The following OLFM2 variants were observed in gnomAD, a reference collection of about 807,000 sequenced individuals.
OLFM2 encodes olfactomedin 2, also known as noelin-2.
A neutral mutation model predicts 43.9 loss-of-function variants in OLFM2; 20 were observed. The ratio of observed to expected loss-of-function variants is 0.46; its 90% CI spans 0.32 to 0.66. OLFM2 has a LOEUF of 0.66. Ranked by LOEUF, OLFM2 falls within the 30% of genes least tolerant of loss-of-function variation. OLFM2 has a pLI of 0.04. For missense variants in OLFM2, 416 were observed against 643.6 expected, an observed-to-expected ratio of 0.65 and a Z score of 3.83; for synonymous variants, 268 against 278.6, an observed-to-expected ratio of 0.96 and a Z score of 0.38.
rs1000416593 is a variant in OLFM2 at position 9,858,923 on chromosome 19, A to ACACCTGGCTAAGGTAGACCCT, written c.214-1083_214-1063dup. ...GTAGACTCTCACTTGGCTAAGATGA[A>ACACCTGGCTAAGGTAGACCCT]CACCTGGCTAAGGTAGACCCTCACC... On this transcript the variant is annotated intron_variant, in intron 2 of 5. Coordinates refer to ENST00000264833, the MANE Select transcript of OLFM2 (RefSeq NM_058164.4). Among the ~76,000 whole-genome samples, 131 of 151,648 alleles carry ACACCTGGCTAAGGTAGACCCT rather than the reference A, an allele frequency of 8.6e-4. 1 individual carries two copies. The highest frequency in any genetic ancestry group is 3.1e-3 in the African/African-American group (126 of 41,262).
At chr19:9,858,771 C>A (rs946981425) in intron 2 of OLFM2, among the ~76,000 whole-genome samples, 5 of 152,142 alleles carry the variant, frequency 3.3e-5, no homozygotes, top group African/African-American at 9.7e-5. Context: ...AGGTGAACAT[C>A]TGGCTAAGGT....
chr19:9,868,658 G>A (rs1222489847), intron 1 of OLFM2, among the ~76,000 whole-genome samples: 1 of 152,006 alleles, frequency 6.6e-6, no homozygotes, highest in Admixed American at 6.6e-5. Flanking sequence ...AAGATTTTTA[G>A]GGCCGGGTGC....
chr19:9,907,556 C>T (rs1468565773), intron 1 of OLFM2, among the ~76,000 whole-genome samples: 1 of 152,206 alleles, frequency 6.6e-6, no homozygotes, highest in Non-Finnish European at 1.5e-5. Flanking sequence ...ACATCCAACA[C>T]AGGTCCTGGC....
At chr19:9,865,297 T>G (rs1471134173) in intron 1 of OLFM2, among the ~76,000 whole-genome samples, 1 of 151,312 alleles carries the variant, frequency 6.6e-6, no homozygotes, top group Non-Finnish European at 1.5e-5. Flanking sequence ...GCCTCCCGAG[T>G]AGCTGAGACT....
At position 9,936,325 on chromosome 19, in the gene OLFM2, C is replaced by A. The variant is rs1224714871; in HGVS notation, c.42G>T (p.Leu14=). The part of the protein sequence containing the change: ...LTVPPPLLLL[L]CSGLAGQTLF... ...CTACCTGTCCGGCCAGGCCTGAGCACAGCAGCAGCAGCAGCGGCGGCGGGA... is the reference window on the plus strand; with the variant it reads ...CTACCTGTCCGGCCAGGCCTGAGCAAAGCAGCAGCAGCAGCGGCGGCGGGA... The change falls in exon 1 of 6, where the codon CTG becomes CTT. Residue 14 remains leucine, a synonymous_variant. Transcript: ENST00000264833. The A allele has an allele frequency of 2.2e-5, 32 of 1,437,074 alleles. No homozygotes were observed. The highest frequency in any genetic ancestry group is 2.8e-5 in the Non-Finnish European group (31 of 1,088,992). The allele number at this position is 1,437,074 out of a possible 1,614,324, so 89.0% of individuals were successfully genotyped here.
At chr19:9,921,648 C>G (rs1037418901) in intron 1 of OLFM2, among the ~76,000 whole-genome samples, 10 of 152,092 alleles carry the variant, frequency 6.6e-5, no homozygotes, top group Non-Finnish European at 1.5e-4. Flanking sequence ...GCCACCACAC[C>G]TGGCTATTTT....
At position 9,854,614 on chromosome 19, in the gene OLFM2, AGGT is replaced by A; in HGVS notation, c.934_936del (p.Thr312del). 1 of 1,614,136 alleles carries A rather than the reference AGGT, an allele frequency of 6.2e-7. No individual in the cohort carries two copies. The highest frequency in any genetic ancestry group is 8.5e-7 in the Non-Finnish European group (1 of 1,180,016). On this transcript the variant is annotated inframe_deletion, in exon 6 of 6. Transcript: ENST00000264833. This position sits in a 1 kb window ranked among gnomAD's most constrained non-coding sequence, Gnocchi z 9.5. Reference sequence around the variant, plus strand: ...GAGAAGCCGCCCCAGGAGTAGGGGAAGGTGTTGTTGTAACCGGCGCCCGGGAGG... The same window carrying A: ...GAGAAGCCGCCCCAGGAGTAGGGGAAGTTGTTGTAACCGGCGCCCGGGAGG...
At chr19:9,867,961 G>C (rs2046415213) in intron 1 of OLFM2, among the ~76,000 whole-genome samples, 2 of 152,064 alleles carry the variant, frequency 1.3e-5, no homozygotes, top group Non-Finnish European at 2.9e-5. Flanking sequence ...GAGTACAGTG[G>C]CATGATCATA....
At chr19:9,922,930 G>GA (rs887495084) in intron 1 of OLFM2, among the ~76,000 whole-genome samples, 8 of 149,680 alleles carry the variant, frequency 5.3e-5, no homozygotes, top group Admixed American at 2.7e-4. Flanking sequence ...AAAAAAGAAA[G>GA]AAAAAAAGAA....
rs1163803866 is a variant in OLFM2, at chr19:9,857,931, A to T, written c.214-70T>A. The T allele has an allele frequency of 6.3e-7, 1 of 1,598,172 alleles. No individual in the cohort carries two copies. The highest frequency in any genetic ancestry group is 1.3e-5 in the African/African-American group (1 of 74,562). On this transcript the variant is annotated intron_variant, in intron 2 of 5. Transcript: ENST00000264833. This position sits in a 1 kb window ranked among gnomAD's most constrained non-coding sequence, Gnocchi z 5.7. ...TCCCAACCCAGAGATGCCACAGACA[A>T]GAGCTGGCAGGAACAGAGGCTGTAC...
chr19:9,862,829 G>C (rs1224496904), intron 1 of OLFM2, among the ~76,000 whole-genome samples: 1 of 152,042 alleles, frequency 6.6e-6, no homozygotes, highest in African/African-American at 2.4e-5. Context: ...ACAAAAATTA[G>C]CCGGGCATGG....
intron 1 of OLFM2, among the ~76,000 whole-genome samples, chr19:9,921,356 CG>C (rs2086418613): frequency 6.6e-6 from 1 of 152,098 alleles, no homozygotes; most frequent in African/African-American, 2.4e-5. Context: ...TGGGCTCAAG[CG>C]ATCCCCTTGC....
At chr19:9,900,981 AGGAAGGAAGGGAGGGAGGG>A (rs1568380507) in intron 1 of OLFM2, among the ~76,000 whole-genome samples, 2 of 45,814 alleles carry the variant, frequency 4.4e-5, no homozygotes, top group African/African-American at 3.4e-4. Flanking sequence ...GAAGGAAGGA[AGGAAGGAAGGGAGGGAGGG>A]GGGAGGGAGG....
intron 1 of OLFM2, among the ~76,000 whole-genome samples, chr19:9,880,113 C>A (rs1012645741): frequency 1.3e-5 from 2 of 152,116 alleles, no homozygotes; most frequent in African/African-American, 4.8e-5. Context: ...ATCCTCCCAC[C>A]TCGGCCTCCC....
At chr19:9,899,190 G>A (rs1490405190) in intron 1 of OLFM2, among the ~76,000 whole-genome samples, 6 of 151,808 alleles carry the variant, frequency 4.0e-5, no homozygotes, top group Admixed American at 2.6e-4. Flanking sequence ...ACTTGAACCC[G>A]GGAGGTGGAG....
chr19:9,926,960 G>A (rs2086457170), intron 1 of OLFM2, among the ~76,000 whole-genome samples: 1 of 151,954 alleles, frequency 6.6e-6, no homozygotes. Flanking sequence ...ACTCCAGCCT[G>A]GGCAACAGAG....
intron 1 of OLFM2, among the ~76,000 whole-genome samples, chr19:9,924,587 T>C (rs879936919): frequency 4.6e-5 from 7 of 152,230 alleles, no homozygotes; most frequent in Non-Finnish European, 5.9e-5. Flanking sequence ...CCCAACCCTG[T>C]TGAGGTCTAA....
intron 1 of OLFM2, among the ~76,000 whole-genome samples, chr19:9,865,688 C>T (rs1457255908): frequency 2.0e-5 from 3 of 151,046 alleles, no homozygotes; most frequent in Admixed American, 6.6e-5. Flanking sequence ...GACAGGGTTT[C>T]GCCATGTTGG....
At chr19:9,861,550 C>T (rs986008402) in intron 1 of OLFM2, among the ~76,000 whole-genome samples, 5 of 152,198 alleles carry the variant, frequency 3.3e-5, no homozygotes, top group African/African-American at 1.2e-4. Flanking sequence ...AGACAAAATG[C>T]TCAGATAATC....
Sources: gnomAD v4.1 joint callset for allele counts (sites outside exome capture counted in the v4.1 genomes callset) on GRCh38, gnomAD v4.1.1 for gene constraint, Gnocchi (gnomAD v3.1) non-coding constraint, MANE v1.5 for transcripts, NCBI Gene and HGNC (gene_info 2026-07-23, HGNC 2026-07-21) for gene names.